Variants in TTK observed in about 807,000 individuals in gnomAD.
TTK encodes the protein TTK protein kinase.
A neutral mutation model predicts 117.3 loss-of-function variants in TTK; 59 were observed. The ratio of observed to expected loss-of-function variants is 0.50; its 90% CI spans 0.41 to 0.62. The LOEUF (loss-of-function observed/expected upper bound fraction) is 0.62, where lower values mean the gene tolerates loss of function less well. TTK is among the 20% of genes least tolerant of loss of function. The pLI is 0.00. For missense variants in TTK, 921 were observed against 989.4 expected, an observed-to-expected ratio of 0.93 and a Z score of 0.93; for synonymous variants, 302 against 325.0, an observed-to-expected ratio of 0.93 and a Z score of 0.76.
At position 80,011,489 on chromosome 6, in the gene TTK, G is replaced by C. The variant is rs759629265; in HGVS notation, c.669G>C (p.Gln223His). The C allele has an allele frequency of 7.5e-6, 12 of 1,610,026 alleles. No individual in the cohort carries two copies. In the South Asian group the frequency reaches 1.3e-4, roughly 18 times the overall value. Residue 223 changes from glutamine to histidine, a missense_variant, in exon 6 of 22, where the codon CAG becomes CAC. Gln to His is a conservative substitution (Grantham distance 24). Transcript: ENST00000369798. ...ESFSGSLGHL[Q>H]NRNNSCDSRG... ...TTTCCGGTTCACTTGGGCATTTACA[G>C]AATAGGAACAACAGTTGTGATTCCA...
chr6:80,031,589 A>G lies in TTK; in HGVS notation c.1614+30A>G, dbSNP rs368822740. ...GTATCTTAAAATATTTACGAAATAA[A>G]TAAAAATATTTTAAACTTTCTGTTT... On this transcript the variant is annotated intron_variant, in intron 14 of 21. Transcript: ENST00000369798. 9.8e-6 allele frequency: 14 copies of G among 1,426,394 alleles called. No homozygotes were observed. The African/African-American group carries it at 1.8e-4, about 18-fold the overall frequency. The allele number at this position is 1,426,394 out of a possible 1,614,324, so 88.4% of individuals were successfully genotyped here.
At chr6:80,008,103 A>T in intron 3 of TTK, 72 bp downstream of exon 3, 1 of 1,485,704 alleles carries the variant, frequency 6.7e-7, no homozygotes, top group Non-Finnish European at 9.1e-7. Flanking sequence ...GAGAGAAAAT[A>T]AAAAACATGG....
chr6:80,005,754 T>A (rs1489108048), intron 1 of TTK, 88 bp from the exon 2 acceptor site: 1 of 1,466,114 alleles, frequency 6.8e-7, no homozygotes, highest in Non-Finnish European at 9.3e-7. Context: ...AACGAATGCT[T>A]TAGTCGTCTG....
chr6:80,023,955 G>C (rs943987306), intron 11 of TTK, among the ~76,000 whole-genome samples: 1 of 152,172 alleles, frequency 6.6e-6, no homozygotes, highest in African/African-American at 2.4e-5. Flanking sequence ...TATCAAACCA[G>C]CATCTCCTCT....
At position 80,013,686 on chromosome 6, in the gene TTK, G is replaced by A. The variant is rs239564; in HGVS notation, c.984+320G>A. ...TGACTGGGGGAACTGTTGCCCCCAAGTTTTGTTTTTTGTTATGTTTAATCA... is the reference window on the plus strand; with the variant it reads ...TGACTGGGGGAACTGTTGCCCCCAAATTTTGTTTTTTGTTATGTTTAATCA... On this transcript the variant is annotated intron_variant, in intron 9 of 21. Transcript: ENST00000369798. The A allele has an allele frequency of 5.8e-3, 1,016 of 176,482 alleles. 14 individuals are homozygous for A. The highest frequency in any genetic ancestry group is 0.022 in the African/African-American group (946 of 42,284). The allele number at this position is 176,482 out of a possible 1,614,324, so 10.9% of individuals were successfully genotyped here.
rs372855223 is a variant in TTK, at chr6:80,031,579, T to C, written c.1614+20T>C. On this transcript the variant is annotated intron_variant, in intron 14 of 21. Coordinates refer to ENST00000369798, the MANE Select transcript of TTK (RefSeq NM_003318.5). ...AGCAAGGTAAGTATCTTAAAATATT[T>C]ACGAAATAAATAAAAATATTTTAAA... 5.1e-5 allele frequency: 73 copies of C among 1,443,758 alleles called. No individual in the cohort carries two copies. The highest frequency in any genetic ancestry group is 6.5e-5 in the Non-Finnish European group (70 of 1,084,842). The allele number at this position is 1,443,758 out of a possible 1,614,324, so 89.4% of individuals were successfully genotyped here. A position where few individuals can be genotyped will look rare whatever the true frequency, so the allele number is the denominator to read the frequency against.
Position 80,014,456 on chromosome 6 carries a change from C to T in TTK, c.985-7C>T. The T allele has an allele frequency of 6.3e-7, 1 of 1,593,056 alleles. No individual in the cohort carries two copies. The highest frequency in any genetic ancestry group is 1.4e-5 in the African/African-American group (1 of 73,864). On this transcript the variant is annotated splice_polypyrimidine_tract_variant and splice_region_variant and intron_variant, in intron 9 of 21. Coordinates refer to ENST00000369798, the MANE Select transcript of TTK (RefSeq NM_003318.5). Reference sequence around the variant, plus strand: ...TGGGACTTTATTTGATTTTCTTTTTCATGTAGTCTGTTCAAAATAGTCATT... The same window carrying T: ...TGGGACTTTATTTGATTTTCTTTTTTATGTAGTCTGTTCAAAATAGTCATT...
chr6:80,034,535 C>T (rs958792682), intron 14 of TTK, among the ~76,000 whole-genome samples: 15 of 152,028 alleles, frequency 9.9e-5, no homozygotes, highest in African/African-American at 3.4e-4. Context: ...ACTATTTTGC[C>T]GAGGCTGGAC....
At chr6:80,012,524 G>C (rs1582090676) in intron 8 of TTK, among the ~76,000 whole-genome samples, 1 of 151,998 alleles carries the variant, frequency 6.6e-6, no homozygotes. Flanking sequence ...AAATGGGAAT[G>C]TAGCCTGTAG....
chr6:80,011,946 A>T lies in TTK; in HGVS notation c.862A>T (p.Thr288Ser). Residue 288 changes from threonine (T) to serine (S), a missense_variant, in exon 8 of 22, where the codon ACA (threonine) becomes TCA (serine). Coordinates refer to ENST00000369798, the MANE Select transcript of TTK (RefSeq NM_003318.5). ...AAATAGCCCAGATTGTGATGTGAAG[A>T]CAGATGATTCAGTTGTACCTTGTTT... is the stretch of plus-strand genomic sequence containing the variant. ...LLNSPDCDVK[T>S]DDSVVPCFMK... is the part of the protein sequence containing the mutation. The T allele has an allele frequency of 6.2e-7, 1 of 1,612,030 alleles. No homozygotes were observed. Among genetic ancestry groups the T allele is most frequent in the Non-Finnish European group, 8.5e-7 (1 of 1,178,992 alleles).
At chr6:80,028,773 G>A (rs1202936538) in intron 13 of TTK, among the ~76,000 whole-genome samples, 2 of 152,246 alleles carry the variant, frequency 1.3e-5, no homozygotes, top group East Asian at 3.9e-4. Context: ...AAACTAAGAG[G>A]AAAGATTTTT....
At position 80,007,995 on chromosome 6, in the gene TTK, T is replaced by A; in HGVS notation, c.326T>A (p.Phe109Tyr). ...GATAAATATGGCCAAAATGAGAGTT[T>A]TGCTAGAATTCAAGTGAGATTTGCT... ...PPDKYGQNESFARIQVRFAEL... is the reference protein window; with the variant it reads ...PPDKYGQNESYARIQVRFAEL... The change falls in exon 3 of 22, where the codon TTT becomes TAT. Residue 109 changes from phenylalanine (F) to tyrosine (Y), a missense_variant. By Grantham distance (22) the Phe-to-Tyr change is conservative. Transcript: ENST00000369798. 8.0e-7 allele frequency: 1 copy of A among 1,244,628 alleles called. No individual in the cohort carries two copies. Among genetic ancestry groups the A allele is most frequent in the Non-Finnish European group, 1.2e-6 (1 of 846,542 alleles). The allele number at this position is 1,244,628 out of a possible 1,614,324, so 77.1% of individuals were successfully genotyped here.
intron 11 of TTK, 58 bp downstream of exon 11, chr6:80,022,530 T>C (rs570376306): frequency 6.5e-7 from 1 of 1,528,246 alleles, no homozygotes; most frequent in East Asian, 2.3e-5. Flanking sequence ...TTTCCGAAGG[T>C]TGATGATCAT....
At chr6:80,026,629 A>C in intron 12 of TTK, 115 bp downstream of exon 12, 1 of 1,417,024 alleles carries the variant, frequency 7.1e-7, no homozygotes, top group East Asian at 2.4e-5. Flanking sequence ...AAGACTTTCC[A>C]TCTTCATATT....
At chr6:80,018,626 C>CAAAA (rs398048650) in intron 10 of TTK, among the ~76,000 whole-genome samples, 1 of 87,362 alleles carries the variant, frequency 1.1e-5, no homozygotes, top group Non-Finnish European at 2.4e-5. Flanking sequence ...GACTCCGTCT[C>CAAAA]AAAAAAAAAA....
Position 80,026,362 on chromosome 6 carries a change from C to G in TTK, c.1258-16C>G. ...AATTTAAAAACTAAATCATGGTGTT[C>G]TTTATTTTGTTTTAGCAGAAACATA... On this transcript the variant is annotated splice_polypyrimidine_tract_variant and intron_variant, in intron 11 of 21. Transcript: ENST00000369798. 6.2e-7 allele frequency: 1 copy of G among 1,602,552 alleles called. No homozygotes were observed. The highest frequency in any genetic ancestry group is 8.5e-7 in the Non-Finnish European group (1 of 1,176,346).
chr6:80,039,944 G>A, intron 19 of TTK, 72 bp downstream of exon 19: 3 of 1,237,228 alleles, frequency 2.4e-6, no homozygotes, highest in Non-Finnish European at 3.2e-6. Context: ...TATGTAACTG[G>A]CTTAGATATA....
intron 10 of TTK, among the ~76,000 whole-genome samples, chr6:80,022,122 G>T (rs933794480): frequency 6.6e-6 from 1 of 152,202 alleles, no homozygotes; most frequent in Non-Finnish European, 1.5e-5. Flanking sequence ...AATGTAGGAA[G>T]ATGACTATAG....
chr6:80,037,854 A>G, intron 17 of TTK, 113 bp from the exon 18 acceptor site: 1 of 465,518 alleles, frequency 2.1e-6, no homozygotes, highest in Non-Finnish European at 3.3e-6. Context: ...TTAAGAATCT[A>G]AAACTTAAAG....
Sources: gnomAD v4.1 joint callset for allele counts (sites outside exome capture counted in the v4.1 genomes callset) on GRCh38, gnomAD v4.1.1 for gene constraint, MANE v1.5 for transcripts, NCBI Gene and HGNC (gene_info 2026-07-23, HGNC 2026-07-21) for gene names.